ERP44: variants seen among roughly 807,000 people sequenced by gnomAD.
ERP44 encodes the protein endoplasmic reticulum protein 44, also known as endoplasmic reticulum resident protein 44.
ERP44 carries 25 observed loss-of-function variants against 53.4 expected under a neutral mutation model. The ratio of observed to expected loss-of-function variants is 0.47; its 90% CI spans 0.34 to 0.65. The LOEUF is 0.65. ERP44 is among the 30% of genes least tolerant of loss of function. The pLI, the probability that ERP44 is intolerant of heterozygous loss-of-function variation, is 0.01. For synonymous variants in ERP44, 145 were observed against 161.2 expected, an observed-to-expected ratio of 0.90 and a Z score of 0.76; for missense variants, 338 against 493.2, an observed-to-expected ratio of 0.69 and a Z score of 2.98.
intron 1 of ERP44, among the ~76,000 whole-genome samples, chr9:100,061,255 C>A (rs566258024): frequency 4.3e-4 from 65 of 152,042 alleles, no homozygotes; most frequent in African/African-American, 1.4e-3. Flanking sequence ...ACCATCCTGG[C>A]CAACATGGTG....
intron 10 of ERP44, among the ~76,000 whole-genome samples, chr9:99,991,731 G>T (rs757691482): frequency 6.6e-6 from 1 of 152,090 alleles, no homozygotes; most frequent in Non-Finnish European, 1.5e-5. Context: ...CCAGGAGCTG[G>T]TTTTTTGAAA....
intron 10 of ERP44, chr9:99,998,719 T>A (rs1830342895): frequency 1.4e-6 from 1 of 725,316 alleles, no homozygotes; most frequent in South Asian, 1.6e-5. Flanking sequence ...GTTTATCTCA[T>A]TTTTTGCATC....
intron 1 of ERP44, among the ~76,000 whole-genome samples, chr9:100,074,298 C>A (rs941792295): frequency 2.0e-5 from 3 of 152,154 alleles, no homozygotes; most frequent in Non-Finnish European, 4.4e-5. Flanking sequence ...CACAAAACCA[C>A]TGCCTGGTGC....
At chr9:100,048,312 T>TA (rs1389422956) in intron 4 of ERP44, among the ~76,000 whole-genome samples, 4 of 151,776 alleles carry the variant, frequency 2.6e-5, no homozygotes, top group Admixed American at 2.0e-4. Context: ...CCCTAAAACT[T>TA]AAAGTATAAT....
chr9:100,094,357 T>G (rs1259813672), intron 1 of ERP44, among the ~76,000 whole-genome samples: 1 of 150,964 alleles, frequency 6.6e-6, no homozygotes, highest in Non-Finnish European at 1.5e-5. Flanking sequence ...ATTGAAAAAG[T>G]TTTTAAAAAA....
Position 100,090,016 on chromosome 9 carries a change from T to C in ERP44, c.57+8768A>G, listed in dbSNP as rs570140621. Reference sequence around the variant, plus strand: ...ACAAAGAACTAAGTATTTTACAACATTGTAATACTTTTGTTGTTAGCACAC... The same window carrying C: ...ACAAAGAACTAAGTATTTTACAACACTGTAATACTTTTGTTGTTAGCACAC... On this transcript the variant is annotated intron_variant, in intron 1 of 11. Transcript: ENST00000262455. 9.3e-4 allele frequency among the ~76,000 whole-genome samples: 141 copies of C among 152,290 alleles called. 1 individual carries two copies. Among genetic ancestry groups the C allele is most frequent in the Non-Finnish European group, 1.5e-4 (10 of 68,012 alleles).
At chr9:100,055,717 C>T (rs1826081669) in intron 3 of ERP44, among the ~76,000 whole-genome samples, 1 of 152,076 alleles carries the variant, frequency 6.6e-6, no homozygotes, top group Admixed American at 6.6e-5. Context: ...ATCTCATGTG[C>T]CCCATAAATA....
chr9:100,081,405 C>T (rs528259812), intron 1 of ERP44, among the ~76,000 whole-genome samples: 20 of 151,780 alleles, frequency 1.3e-4, no homozygotes, highest in African/African-American at 4.6e-4. Context: ...CATCTATATG[C>T]GAAATAGCAC....
At chr9:100,044,644 C>T (rs1387875166) in intron 4 of ERP44, among the ~76,000 whole-genome samples, 1 of 152,054 alleles carries the variant, frequency 6.6e-6, no homozygotes, top group African/African-American at 2.4e-5. Context: ...TGAAAATAAG[C>T]AAATTACAAT....
intron 10 of ERP44, 36 bp downstream of exon 10, chr9:100,006,470 T>C (rs1830426666): frequency 6.8e-7 from 1 of 1,462,708 alleles, no homozygotes. Flanking sequence ...TTGAAAAACA[T>C]ATCAGTAATT....
chr9:100,015,432 T>C (rs1042530813), intron 8 of ERP44, among the ~76,000 whole-genome samples: 25 of 152,346 alleles, frequency 1.6e-4, no homozygotes, highest in African/African-American at 6.0e-4. Context: ...TAACTCTTTG[T>C]ACTTGTTCCT....
Position 99,981,704 on chromosome 9 carries a change from C to T in ERP44, c.*908G>A, listed in dbSNP as rs916105075. 2.0e-5 allele frequency: 3 copies of T among 152,258 alleles called. No individual in the cohort carries two copies. The highest frequency in any genetic ancestry group is 7.2e-5 in the African/African-American group (3 of 41,440). 9.4% of individuals were successfully genotyped at this position (152,258 alleles called of 1,614,324 possible). ...TAATGAAAAAAAGTTAAATATGTTC[C>T]TTATTCTGTGTTTTTGATTTATACA... is the stretch of plus-strand genomic sequence containing the variant. On this transcript the variant is annotated 3_prime_UTR_variant, in exon 12 of 12. Coordinates refer to ENST00000262455, the MANE Select transcript of ERP44 (RefSeq NM_015051.3).
intron 1 of ERP44, among the ~76,000 whole-genome samples, chr9:100,067,749 C>T (rs572839121): frequency 1.5e-3 from 224 of 149,420 alleles, no homozygotes; most frequent in Non-Finnish European, 2.5e-3. Context: ...AAGTGAGGAG[C>T]GCCTCTTCCC....
chr9:100,003,037 G>T (rs1423829285), intron 10 of ERP44, among the ~76,000 whole-genome samples: 2 of 151,770 alleles, frequency 1.3e-5, no homozygotes, highest in African/African-American at 4.8e-5. Context: ...TGTATGTTCA[G>T]GTTTAAATTC....
chr9:100,081,403 T>A (rs956255948), intron 1 of ERP44, among the ~76,000 whole-genome samples: 1 of 152,132 alleles, frequency 6.6e-6, no homozygotes, highest in Middle Eastern at 3.4e-3. Flanking sequence ...AACATCTATA[T>A]GCGAAATAGC....
At chr9:100,032,842 G>A (rs2118674194) in intron 4 of ERP44, among the ~76,000 whole-genome samples, 1 of 152,276 alleles carries the variant, frequency 6.6e-6, no homozygotes, top group Middle Eastern at 3.4e-3. Context: ...TCTGACTTTA[G>A]AGGAAAAAGC....
chr9:100,040,584 C>T (rs1825889535), intron 4 of ERP44, among the ~76,000 whole-genome samples: 1 of 152,112 alleles, frequency 6.6e-6, no homozygotes, highest in African/African-American at 2.4e-5. Flanking sequence ...AAACTGAAAG[C>T]CTTTCCTCTA....
rs900148860 is a variant in ERP44, at chr9:100,021,984, G to C, written c.471+58C>G. On this transcript the variant is annotated intron_variant, in intron 5 of 11. Transcript: ENST00000262455. ...ATGTCCAGATTTTTTGTTTGCATTA[G>C]AATTTGTTTACATTAATCAGGGAAT... 11 of 1,480,372 alleles carry C rather than the reference G, an allele frequency of 7.4e-6. No individual in the cohort carries two copies. In the African/African-American group the frequency reaches 1.4e-4, roughly 19 times the overall value. 91.7% of individuals were successfully genotyped at this position (1,480,372 alleles called of 1,614,324 possible).
intron 10 of ERP44, among the ~76,000 whole-genome samples, chr9:100,003,305 G>A (rs1830396449): frequency 6.6e-6 from 1 of 152,228 alleles, no homozygotes; most frequent in East Asian, 1.9e-4. Flanking sequence ...CCATTTCTTT[G>A]GGTCAGCTTC....
Sources: gnomAD v4.1 joint callset for allele counts (sites outside exome capture counted in the v4.1 genomes callset) on GRCh38, gnomAD v4.1.1 for gene constraint, MANE v1.5 for transcripts, NCBI Gene and HGNC (gene_info 2026-07-23, HGNC 2026-07-21) for gene names.